GFI1B: variants seen among roughly 807,000 people sequenced by gnomAD.
GFI1B encodes the protein growth factor independent 1B transcriptional repressor.
Under a neutral mutation model 35.3 loss-of-function variants are expected in GFI1B, and 20 were observed. The observed-to-expected ratio is 0.57, with a 90% CI of 0.40 to 0.82. The LOEUF is 0.82. Ranked by LOEUF, GFI1B falls within the 40% of genes least tolerant of loss-of-function variation. The pLI, the probability that GFI1B is intolerant of heterozygous loss-of-function variation, is 0.00. For synonymous variants in GFI1B, 178 were observed against 177.6 expected (o/e 1.00, Z -0.02); for missense variants, 430 against 446.3 (o/e 0.96, Z 0.33).
At chr9:132,947,494 G>A (rs1235077506) in intron 1 of GFI1B, among the ~76,000 whole-genome samples, 4 of 151,420 alleles carry the variant, frequency 2.6e-5, no homozygotes, top group South Asian at 2.1e-4. Context: ...AGAGACTCCC[G>A]GGGTCAGAAC....
chr9:132,986,876 C>T lies in GFI1B; in HGVS notation c.100+98C>T, dbSNP rs954224732. The T allele has an allele frequency of 3.2e-5, 24 of 753,974 alleles. 1 individual carries two copies. Among genetic ancestry groups the T allele is most frequent in the African/African-American group, 2.1e-4 (12 of 58,074 alleles). 46.7% of individuals were successfully genotyped at this position (753,974 alleles called of 1,614,324 possible). A position where few individuals can be genotyped will look rare whatever the true frequency, so the allele number is the denominator to read the frequency against. On this transcript the variant is annotated intron_variant, in intron 2 of 6. Coordinates refer to ENST00000372122, the MANE Select transcript of GFI1B (RefSeq NM_001377304.1). ...AGCGTCCCTCCTGCAGCAGCCTCTTCTTCCAAGTCTGGAAACAGGAGTGCA... is the reference window on the plus strand; with the variant it reads ...AGCGTCCCTCCTGCAGCAGCCTCTTTTTCCAAGTCTGGAAACAGGAGTGCA...
intron 1 of GFI1B, among the ~76,000 whole-genome samples, chr9:132,965,956 C>T (rs1275004724): frequency 1.3e-5 from 2 of 152,164 alleles, no homozygotes; most frequent in African/African-American, 4.8e-5. Context: ...ACCTATGTAA[C>T]AAACCTGCAT....
chr9:132,955,229 AT>A (rs1848265353), intron 1 of GFI1B, among the ~76,000 whole-genome samples: 1 of 151,944 alleles, frequency 6.6e-6, no homozygotes, highest in South Asian at 2.1e-4. Context: ...TTTTACCCTC[AT>A]TTTTTGAAAG....
upstream of GFI1B, among the ~76,000 whole-genome samples, chr9:132,974,654 T>G (rs1440970761): frequency 1.6e-5 from 2 of 127,904 alleles, no homozygotes; most frequent in African/African-American, 6.0e-5. Context: ...TTCAGATAAG[T>G]GTGAATGCTA....
Position 132,963,081 on chromosome 9 carries a change from CAA to C in GFI1B, c.-700-9622_-700-9621del, listed in dbSNP as rs763899545. 4.7e-3 allele frequency among the ~76,000 whole-genome samples: 227 copies of C among 47,944 alleles called. 1 individual carries two copies. The highest frequency in any genetic ancestry group is 0.015 in the African/African-American group (199 of 12,988). The allele number at this position is 47,944 out of a possible 152,430, so 31.5% of individuals were successfully genotyped here. A position where few individuals can be genotyped will look rare whatever the true frequency, so the allele number is the denominator to read the frequency against. ...TGGGCAACAGAGTGAGACTCCATCT[CAA>C]AAAAAAAAAAAAAAAAAAAAAGGAA... On this transcript the variant is annotated intron_variant, in intron 1 of 10. Coordinates refer to the GFI1B transcript ENST00000339463.
rs1849160397 is a variant in GFI1B, at chr9:132,988,393, C to T, written c.435C>T (p.Ser145=). The T allele has an allele frequency of 1.2e-6, 2 of 1,614,088 alleles. No homozygotes were observed. Among genetic ancestry groups the T allele is most frequent in the East Asian group, 4.5e-5 (2 of 44,882 alleles). The change falls in exon 4 of 7, where the codon AGC becomes AGT. Residue 145 remains serine (S), a synonymous_variant. Transcript: ENST00000372122. ...TGTACGGCAGTCCTCTTGTGCCCAG[C>T]ACTGAGCCCGCCTTGGACTTCAGCC... The part of the protein sequence containing the change: ...VSLYGSPLVP[S]TEPALDFSLR...
rs376762177 is a variant in GFI1B at position 132,989,071 on chromosome 9, C to A, written c.521C>A (p.Thr174Asn). The A allele has an allele frequency of 1.7e-4, 278 of 1,613,876 alleles. No homozygotes were observed. Among genetic ancestry groups the A allele is most frequent in the Middle Eastern group, 6.6e-4 (4 of 6,076 alleles). ...TGCCCCTGCTCCCAGGTCTTCTCCA[C>A]CCCTCACGGGCTCGAAGTGCATGTG... is the stretch of plus-strand genomic sequence containing the variant. ...HCVKCNKVFS[T>N]PHGLEVHVRR... Residue 174 changes from threonine (T) to asparagine (N), a missense_variant, in exon 5 of 7, where the codon ACC (threonine) becomes AAC (asparagine). By Grantham distance (65) the Thr-to-Asn change is moderately conservative. Coordinates refer to ENST00000372122, the MANE Select transcript of GFI1B (RefSeq NM_001377304.1). The surrounding 1 kb of genome is among the most constrained non-coding windows in gnomAD (Gnocchi z 6.2).
intron 1 of GFI1B, among the ~76,000 whole-genome samples, chr9:132,966,548 G>A (rs74606863): frequency 0.013 from 1,982 of 152,270 alleles, 49 homozygotes; most frequent in African/African-American, 0.045. Flanking sequence ...AATGTAGAAG[G>A]AATGATAGAA....
downstream of GFI1B, among the ~76,000 whole-genome samples, chr9:132,992,054 G>C (rs1849312164): frequency 6.6e-6 from 1 of 152,152 alleles, no homozygotes; most frequent in Admixed American, 6.5e-5. Context: ...CTAACATCAA[G>C]GTGTTAGCAG....
chr9:132,982,045 G>A (rs761867205), intron 1 of GFI1B, among the ~76,000 whole-genome samples: 8 of 152,166 alleles, frequency 5.3e-5, no homozygotes, highest in Admixed American at 1.3e-4. Context: ...GAGCCACCAC[G>A]CCCGGCCTCC....
At chr9:132,982,686 G>T (rs1220860685) in intron 1 of GFI1B, among the ~76,000 whole-genome samples, 1 of 151,490 alleles carries the variant, frequency 6.6e-6, no homozygotes, top group Non-Finnish European at 1.5e-5. Context: ...TAGGTGATTG[G>T]TTCCTGTTTT....
chr9:132,962,422 G>A, intron 1 of GFI1B: 1 of 330,650 alleles, frequency 3.0e-6, no homozygotes, highest in South Asian at 2.7e-5. Context: ...ACAAGTGTGA[G>A]CCTCCTCTCC....
At chr9:132,986,612 A>G in intron 1 of GFI1B, 47 bp from the exon 2 acceptor site, 1 of 923,576 alleles carries the variant, frequency 1.1e-6, no homozygotes, top group Non-Finnish European at 1.7e-6. Flanking sequence ...ATGGAGGGGT[A>G]TTGTTCTCTT....
At chr9:132,946,334 A>C (rs1479423211) in intron 1 of GFI1B, among the ~76,000 whole-genome samples, 1 of 152,118 alleles carries the variant, frequency 6.6e-6, no homozygotes, top group East Asian at 1.9e-4. Flanking sequence ...TAATAATGCT[A>C]GTTCATGGGG....
intron 1 of GFI1B, among the ~76,000 whole-genome samples, chr9:132,964,756 T>G (rs1220447269): frequency 9.3e-6 from 1 of 108,062 alleles, no homozygotes; most frequent in Non-Finnish European, 2.0e-5. Flanking sequence ...TTTTTTTTTT[T>G]TTTTTTTTTT....
chr9:132,949,752 C>G (rs546953077), intron 1 of GFI1B: 2 of 152,714 alleles, frequency 1.3e-5, no homozygotes, highest in Non-Finnish European at 2.9e-5. Flanking sequence ...GCTGTGGCCA[C>G]AGAGAGGAAG....
upstream of GFI1B, among the ~76,000 whole-genome samples, chr9:132,975,670 G>A (rs1383050052): frequency 6.6e-6 from 1 of 152,188 alleles, no homozygotes; most frequent in Non-Finnish European, 1.5e-5. Flanking sequence ...GTGGGCACTC[G>A]ATACACATGT....
intron 1 of GFI1B, among the ~76,000 whole-genome samples, chr9:132,956,624 A>G (rs1316369082): frequency 6.6e-6 from 1 of 152,240 alleles, no homozygotes; most frequent in Non-Finnish European, 1.5e-5. Context: ...AATAACACAT[A>G]TATTTCAGGC....
At chr9:132,965,004 A>G (rs1471837524) in intron 1 of GFI1B, among the ~76,000 whole-genome samples, 5 of 152,042 alleles carry the variant, frequency 3.3e-5, no homozygotes, top group Non-Finnish European at 2.9e-5. Context: ...CTCCCAGAAT[A>G]TGTACATATC....
Sources: gnomAD v4.1 joint callset for allele counts (sites outside exome capture counted in the v4.1 genomes callset) on GRCh38, gnomAD v4.1.1 for gene constraint, Gnocchi (gnomAD v3.1) non-coding constraint, MANE v1.5 for transcripts, NCBI Gene and HGNC (gene_info 2026-07-23, HGNC 2026-07-21) for gene names.